Variants in DEFB134 observed in about 807,000 individuals in gnomAD.
DEFB134 encodes the protein defensin beta 134.
In DEFB134, 7 loss-of-function variants were observed where a neutral mutation model predicts 7.4. The observed-to-expected ratio is 0.95, with a 90% confidence interval of 0.54 to 1.79. The LOEUF (loss-of-function observed/expected upper bound fraction) is 1.79, where lower values mean the gene tolerates loss of function less well. Among genes scored for constraint, DEFB134 ranks in the 40% most tolerant of loss-of-function variants. The probability of loss-of-function intolerance (pLI) is 0.00; values close to 1 mark genes in which losing one functional copy is unlikely to be tolerated. For missense variants in DEFB134, 105 were observed against 74.8 expected, an observed-to-expected ratio of 1.40 and a Z score of -1.49; for synonymous variants, 33 against 25.0, an observed-to-expected ratio of 1.32 and a Z score of -0.96.
upstream of DEFB134, among the ~76,000 whole-genome samples, chr8:11,997,222 G>A (rs1800149197): frequency 6.6e-6 from 1 of 152,064 alleles, no homozygotes; most frequent in South Asian, 2.1e-4. Flanking sequence ...AATTATTTGA[G>A]ATTCGTCCTT....
chr8:11,999,898 G>T (rs534424659), upstream of DEFB134, among the ~76,000 whole-genome samples: 1 of 152,154 alleles, frequency 6.6e-6, no homozygotes, highest in East Asian at 1.9e-4. Context: ...GGTGCTCTGG[G>T]ATTAGAAAAT....
intron 1 of DEFB134, among the ~76,000 whole-genome samples, 156 bp from the exon 3 acceptor site, chr8:11,994,278 T>A (rs1416497397): frequency 6.6e-6 from 1 of 152,150 alleles, no homozygotes; most frequent in African/African-American, 2.4e-5. Flanking sequence ...AGGGGCTGAA[T>A]TGTGTCACCC....
At chr8:11,995,714 A>G (rs796906631) in intron 1 of DEFB134, among the ~76,000 whole-genome samples, 18 of 152,276 alleles carry the variant, frequency 1.2e-4, no homozygotes, top group African/African-American at 3.4e-4. Context: ...TGTTGTCACT[A>G]TTTTCTGGTT....
At chr8:11,996,008 A>T (rs1800109711) in intron 1 of DEFB134, among the ~76,000 whole-genome samples, 186 bp downstream of exon 2, 1 of 151,382 alleles carries the variant, frequency 6.6e-6, no homozygotes, top group Non-Finnish European at 1.5e-5. Context: ...CTTTGTCCAA[A>T]GTTATATAGT....
upstream of DEFB134, among the ~76,000 whole-genome samples, chr8:11,998,198 T>TAGCACTTTGGAAGCACTTTGGA (rs1335359561): frequency 2.6e-5 from 4 of 152,002 alleles, no homozygotes; most frequent in Admixed American, 2.6e-4. Flanking sequence ...CCTGTAACGC[T>TAGCACTTTGGAAGCACTTTGGA]AGCACTTTGG....
exon 2 of DEFB134, chr8:11,993,893 T>C (rs1800044013): frequency 6.5e-7 from 1 of 1,534,344 alleles, no homozygotes; most frequent in Non-Finnish European, 8.8e-7. Context: ...CATCATGGTG[T>C]CACAGTTTGA....
At chr8:11,997,144 T>A (rs949409492), upstream of DEFB134, among the ~76,000 whole-genome samples, 1 of 152,222 alleles carries the variant, frequency 6.6e-6, no homozygotes, top group African/African-American at 2.4e-5. Flanking sequence ...TTGTATTTTC[T>A]TGGAATTTCA....
At chr8:11,996,970 T>A (rs1408064514), upstream of DEFB134, among the ~76,000 whole-genome samples, 1 of 152,152 alleles carries the variant, frequency 6.6e-6, no homozygotes, top group Non-Finnish European at 1.5e-5. Flanking sequence ...ATCGGATAAG[T>A]TTTGCCATAT....
chr8:11,996,387 T>C, upstream of DEFB134: 1 of 851,418 alleles, frequency 1.2e-6, no homozygotes, highest in South Asian at 1.7e-5. Flanking sequence ...GTAGATATGC[T>C]ACACTGAACA....
chr8:11,994,770 G>T (rs1448747680), intron 1 of DEFB134, among the ~76,000 whole-genome samples: 1 of 152,048 alleles, frequency 6.6e-6, no homozygotes, highest in Non-Finnish European at 1.5e-5. Context: ...TGTGAATCAA[G>T]GACTGTTGGG....
upstream of DEFB134, among the ~76,000 whole-genome samples, chr8:11,997,987 C>A (rs975220182): frequency 1.3e-5 from 2 of 152,118 alleles, no homozygotes; most frequent in African/African-American, 4.8e-5. Flanking sequence ...CAATCCTTAA[C>A]AAATTAAAAA....
chr8:11,997,008 T>C (rs546498419), upstream of DEFB134, among the ~76,000 whole-genome samples: 12 of 152,324 alleles, frequency 7.9e-5, no homozygotes, highest in African/African-American at 2.9e-4. Context: ...CATTGTCACA[T>C]TCAAAATAAT....
At chr8:11,996,748 T>C (rs1389840050), upstream of DEFB134, among the ~76,000 whole-genome samples, 3 of 152,216 alleles carry the variant, frequency 2.0e-5, no homozygotes, top group Non-Finnish European at 4.4e-5. Flanking sequence ...TTGTTTTACA[T>C]AGCTATAAAC....
chr8:11,999,776 C>T (rs991509211), upstream of DEFB134, among the ~76,000 whole-genome samples: 3 of 152,186 alleles, frequency 2.0e-5, no homozygotes, highest in African/African-American at 7.2e-5. Context: ...TGACCTAGTT[C>T]ATAGACTTTA....
Position 11,993,979 on chromosome 8 carries a change from G to A in DEFB134, c.*1C>T, listed in dbSNP as rs1315317294. On this transcript the variant is annotated 3_prime_UTR_variant, in exon 2 of 2. Coordinates refer to ENST00000526438, the Ensembl canonical transcript of DEFB134. ...TAGTGGCCATTCATTGGTTTCTTATGTCAGGGTGCAGGATTTCCTTTGACA... is the reference window on the plus strand; with the variant it reads ...TAGTGGCCATTCATTGGTTTCTTATATCAGGGTGCAGGATTTCCTTTGACA... The A allele has an allele frequency of 5.0e-6, 8 of 1,611,518 alleles. No homozygotes were observed. The Admixed American group carries it at 1.2e-4, about 24-fold the overall frequency.
exon 2 of DEFB134, chr8:11,994,034 A>T (rs753462141): frequency 3.7e-6 from 6 of 1,613,870 alleles, no homozygotes; most frequent in Non-Finnish European, 5.1e-6. Flanking sequence ...TACAGTAGGC[A>T]ACTAACATTT....
chr8:11,996,151 T>C (rs764878140), intron 1 of DEFB134, 43 bp downstream of exon 2: 48 of 1,609,642 alleles, frequency 3.0e-5, no homozygotes, highest in Non-Finnish European at 3.8e-5. Flanking sequence ...GCATTGTTCT[T>C]CTATATGAAG....
chr8:11,995,034 G>T (rs187470284), intron 1 of DEFB134, among the ~76,000 whole-genome samples: 190 of 152,308 alleles, frequency 1.2e-3, no homozygotes, highest in African/African-American at 4.4e-3. Flanking sequence ...TAATGCCCTG[G>T]AGGATAATTG....
At chr8:11,995,958 C>CAA (rs34837269) in intron 1 of DEFB134, among the ~76,000 whole-genome samples, 4,557 of 139,982 alleles carry the variant, frequency 0.033, 283 homozygotes, top group African/African-American at 0.12. Flanking sequence ...TCAGTTCAGC[C>CAA]AAAAAAAAAA....
Sources: gnomAD v4.1 joint callset for allele counts (sites outside exome capture counted in the v4.1 genomes callset) on GRCh38, gnomAD v4.1.1 for gene constraint, MANE v1.5 for transcripts, NCBI Gene and HGNC (gene_info 2026-07-23, HGNC 2026-07-21) for gene names.